The following HEPHL1 variants were observed in gnomAD, a reference collection of about 807,000 sequenced individuals.
HEPHL1 encodes the protein hephaestin like 1.
HEPHL1 carries 123 observed loss-of-function variants against 122.0 expected under a neutral mutation model. The ratio of observed to expected loss-of-function variants is 1.01; its 90% confidence interval spans 0.87 to 1.17. HEPHL1 has a LOEUF of 1.17. HEPHL1 is among the 50% of genes most tolerant of loss of function. The pLI is 0.00. For missense variants in HEPHL1, 1,452 were observed against 1,430.5 expected, an observed-to-expected ratio of 1.01 and a Z score of -0.24; for synonymous variants, 527 against 508.9, an observed-to-expected ratio of 1.04 and a Z score of -0.48.
At chr11:94,047,422 A>G (rs548950025) in intron 2 of HEPHL1, among the ~76,000 whole-genome samples, 2 of 151,992 alleles carry the variant, frequency 1.3e-5, no homozygotes, top group East Asian at 3.9e-4. Context: ...ATGTGTTCTC[A>G]TAATTTAGCT....
chr11:94,048,585 C>G (rs906165195), intron 2 of HEPHL1, among the ~76,000 whole-genome samples: 1 of 152,030 alleles, frequency 6.6e-6, no homozygotes, highest in Non-Finnish European at 1.5e-5. Context: ...TGGCCTCAAA[C>G]TCCTGGCCTC....
chr11:94,104,589 A>T lies in HEPHL1; in HGVS notation c.2744A>T (p.Lys915Met). The T allele has an allele frequency of 6.2e-7, 1 of 1,613,944 alleles. No homozygotes were observed. Among genetic ancestry groups the T allele is most frequent in the Non-Finnish European group, 8.5e-7 (1 of 1,179,832 alleles). The stretch of plus-strand genomic sequence containing the variant: ...TGCCGAAAAGGAGTCTTGAATGAAA[A>T]GGGAAGAAGAAGTGACGTTGATTAT... The part of the protein sequence containing the change: ...ITCRKGVLNE[K>M]GRRSDVDYEF... Residue 915 changes from lysine to methionine, a missense_variant, in exon 16 of 20, where the codon AAG (lysine) becomes ATG (methionine). Lys to Met is a moderately conservative substitution (Grantham distance 95). Coordinates refer to ENST00000315765, the MANE Select transcript of HEPHL1 (RefSeq NM_001098672.2).
chr11:94,054,846 A>G (rs895394251), intron 2 of HEPHL1, among the ~76,000 whole-genome samples: 1 of 152,248 alleles, frequency 6.6e-6, no homozygotes, highest in South Asian at 2.1e-4. Flanking sequence ...ATATGCGAAG[A>G]AAGAAAGAGC....
At position 94,042,875 on chromosome 11, in the gene HEPHL1, T is replaced by TAAAAAAAAAAAAAAAAAAAA. The variant is rs58966846; in HGVS notation, c.171-2780_171-2779insAAAAAAAAAAAAAAAAAAAA. 1.1e-3 allele frequency among the ~76,000 whole-genome samples: 69 copies of TAAAAAAAAAAAAAAAAAAAA among 63,138 alleles called. 3 individuals carry two copies. Among genetic ancestry groups the TAAAAAAAAAAAAAAAAAAAA allele is most frequent in the African/African-American group, 4.1e-3 (61 of 14,860 alleles). The allele number at this position is 63,138 out of a possible 152,430, so 41.4% of individuals were successfully genotyped here. The stretch of plus-strand genomic sequence containing the variant: ...ATGTACCCTAAAACTTAAAGTATAA[T>TAAAAAAAAAAAAAAAAAAAA]AAAAAAAAAAAAAAAAAACTGCATG... On this transcript the variant is annotated intron_variant, in intron 1 of 19. Coordinates refer to ENST00000315765, the MANE Select transcript of HEPHL1 (RefSeq NM_001098672.2).
At chr11:94,093,434 C>T (rs1473513838) in intron 12 of HEPHL1, 67 bp from the exon 13 acceptor site, 2 of 1,572,934 alleles carry the variant, frequency 1.3e-6, no homozygotes, top group Non-Finnish European at 1.7e-6. Flanking sequence ...ACCCCTGAAT[C>T]ACTTAGAAGC....
Position 94,088,803 on chromosome 11 carries a change from T to TG in HEPHL1, c.2132dup (p.Gln712SerfsTer4). 1 of 1,613,988 alleles carries TG rather than the reference T, an allele frequency of 6.2e-7. No individual in the cohort carries two copies. The highest frequency in any genetic ancestry group is 8.5e-7 in the Non-Finnish European group (1 of 1,179,876). The stretch of plus-strand genomic sequence containing the variant: ...ACCATGCCCCACCTCTCGAGAGGCA[T>TG]GGGTCAGATCTATGAGGTCAGCAGC... On this transcript the variant is annotated frameshift_variant, in exon 12 of 20. Transcript: ENST00000315765. LOFTEE classifies it high-confidence loss of function.
chr11:94,025,699 A>G (rs1162649079), intron 1 of HEPHL1, among the ~76,000 whole-genome samples: 2 of 152,210 alleles, frequency 1.3e-5, no homozygotes, highest in African/African-American at 4.8e-5. Flanking sequence ...GCCCTAGGAT[A>G]GGTGTGAGAG....
At chr11:94,104,049 T>C (rs1182346764) in intron 15 of HEPHL1, among the ~76,000 whole-genome samples, 1 of 152,200 alleles carries the variant, frequency 6.6e-6, no homozygotes, top group Non-Finnish European at 1.5e-5. Flanking sequence ...GCTCTGAATC[T>C]GGTGAATTCT....
intron 14 of HEPHL1, among the ~76,000 whole-genome samples, chr11:94,101,899 A>C (rs1036696214): frequency 6.6e-6 from 1 of 152,200 alleles, no homozygotes; most frequent in Non-Finnish European, 1.5e-5. Context: ...GAAAATATTA[A>C]GAAATTTTGA....
intron 1 of HEPHL1, among the ~76,000 whole-genome samples, chr11:94,045,128 A>C (rs1429929806): frequency 6.6e-6 from 1 of 152,078 alleles, no homozygotes; most frequent in Non-Finnish European, 1.5e-5. Context: ...GGCTGGTCTC[A>C]AACTCCTAGG....
intron 17 of HEPHL1, among the ~76,000 whole-genome samples, chr11:94,107,273 G>A (rs1269013610): frequency 6.6e-6 from 1 of 152,160 alleles, no homozygotes; most frequent in East Asian, 1.9e-4. Flanking sequence ...AGCCTGCTAT[G>A]ATTAGAGTTT....
intron 1 of HEPHL1, among the ~76,000 whole-genome samples, chr11:94,035,000 T>C (rs1945708632): frequency 6.6e-6 from 1 of 152,212 alleles, no homozygotes; most frequent in Admixed American, 6.5e-5. Context: ...CAAATACATC[T>C]GTTTAAGAAT....
chr11:94,086,729 A>T (rs1248413317), intron 11 of HEPHL1, among the ~76,000 whole-genome samples: 1 of 152,154 alleles, frequency 6.6e-6, no homozygotes, highest in Non-Finnish European at 1.5e-5. Flanking sequence ...TCTGGAATTT[A>T]TGGAGACCCC....
Position 94,055,658 on chromosome 11 carries a change from T to C in HEPHL1, c.416-7850T>C, listed in dbSNP as rs940942534. On this transcript the variant is annotated intron_variant, in intron 2 of 19. Coordinates refer to ENST00000315765, the MANE Select transcript of HEPHL1 (RefSeq NM_001098672.2). ...TAGTCCTTTCCAATGCTGGTGAAGA[T>C]GTGAGGAAGCTGGCTAGTGACAGGC... 1.8e-5 allele frequency: 7 copies of C among 391,596 alleles called. No homozygotes were observed. The East Asian group carries it at 4.1e-4, about 23-fold the overall frequency. The allele number at this position is 391,596 out of a possible 1,614,324, so 24.3% of individuals were successfully genotyped here. A position where few individuals can be genotyped will look rare whatever the true frequency, so the allele number is the denominator to read the frequency against.
chr11:94,090,435 C>T lies in HEPHL1; in HGVS notation c.2294+1467C>T, dbSNP rs7114542. On this transcript the variant is annotated intron_variant, in intron 12 of 19. Coordinates refer to ENST00000315765, the MANE Select transcript of HEPHL1 (RefSeq NM_001098672.2). ...ATGAACTCCTACTTTAAGTCTCCAT[C>T]CCACGGGGCTAGCAGGAAGGTCTAG... Among the ~76,000 whole-genome samples the T allele has an allele frequency of 1.4e-3, 211 of 152,256 alleles. 1 individual carries two copies. The highest frequency in any genetic ancestry group is 4.9e-3 in the African/African-American group (203 of 41,534).
rs375112249 is a variant in HEPHL1 at position 94,104,606 on chromosome 11, G to A, written c.2761G>A (p.Val921Ile). ...GAATGAAAAGGGAAGAAGAAGTGAC[G>A]TTGATTATGAATTTGCTCTCTTGTT... ...VLNEKGRRSD[V>I]DYEFALLFLV... The change falls in exon 16 of 20, where the codon GTT (valine) becomes ATT (isoleucine). Residue 921 changes from valine (V) to isoleucine (I), a missense_variant. Transcript: ENST00000315765. 51 of 1,613,836 alleles carry A rather than the reference G, an allele frequency of 3.2e-5. No individual in the cohort carries two copies. The African/African-American group carries it at 4.3e-4, about 13-fold the overall frequency.
intron 4 of HEPHL1, among the ~76,000 whole-genome samples, chr11:94,066,959 CAAACA>C (rs1946040476): frequency 1.3e-5 from 2 of 152,182 alleles, no homozygotes; most frequent in Admixed American, 6.5e-5. Flanking sequence ...AACAAACAAA[CAAACA>C]AAACAGTTCT....
chr11:94,101,559 A>C (rs1946367488), intron 14 of HEPHL1, among the ~76,000 whole-genome samples: 2 of 152,062 alleles, frequency 1.3e-5, no homozygotes, highest in South Asian at 4.1e-4. Context: ...AACATCCCCC[A>C]CCAGAGTAGT....
chr11:94,108,562 A>G (rs1946425476), intron 17 of HEPHL1, among the ~76,000 whole-genome samples: 1 of 151,966 alleles, frequency 6.6e-6, no homozygotes. Context: ...GATACATTTT[A>G]ATTTTCATAT....
Sources: gnomAD v4.1 joint callset for allele counts (sites outside exome capture counted in the v4.1 genomes callset) on GRCh38, gnomAD v4.1.1 for gene constraint, MANE v1.5 for transcripts, NCBI Gene and HGNC (gene_info 2026-07-23, HGNC 2026-07-21) for gene names.